The following AP3B1 variants were observed in gnomAD, a reference collection of about 807,000 sequenced individuals.
AP3B1 encodes adaptor related protein complex 3 subunit beta 1.
In AP3B1, 61 loss-of-function variants were observed where a neutral mutation model predicts 132.5. That is an observed-to-expected ratio of 0.46 (90% CI 0.37 to 0.57). The LOEUF (loss-of-function observed/expected upper bound fraction) is 0.57. Among genes scored for constraint, AP3B1 ranks in the 20% least tolerant of loss-of-function variants. The pLI, the probability that AP3B1 is intolerant of heterozygous loss-of-function variation, is 0.00. For missense variants in AP3B1, 1,120 were observed against 1,289.4 expected, an observed-to-expected ratio of 0.87 and a Z score of 2.01; for synonymous variants, 388 against 438.3, an observed-to-expected ratio of 0.89 and a Z score of 1.43.
At chr5:78,073,106 CTT>C (rs1749613715) in intron 22 of AP3B1, among the ~76,000 whole-genome samples, 2 of 152,164 alleles carry the variant, frequency 1.3e-5, no homozygotes, top group Admixed American at 6.5e-5. Flanking sequence ...TCCATACTCT[CTT>C]GTCAGTGGTA....
chr5:78,061,050 GA>G (rs1182527212), intron 22 of AP3B1, among the ~76,000 whole-genome samples: 3 of 150,014 alleles, frequency 2.0e-5, no homozygotes, highest in African/African-American at 7.4e-5. Flanking sequence ...TTTGAAAAAA[GA>G]AGTACTGAAC....
chr5:78,140,036 C>T (rs1361516012), intron 15 of AP3B1, among the ~76,000 whole-genome samples: 1 of 152,004 alleles, frequency 6.6e-6, no homozygotes, highest in African/African-American at 2.4e-5. Context: ...ATAAAGCTTC[C>T]CAAGAAGCCT....
chr5:78,115,727 A>G lies in AP3B1; in HGVS notation c.2077+399T>C, dbSNP rs544710278. Among the ~76,000 whole-genome samples, 105 of 152,300 alleles carry G rather than the reference A, an allele frequency of 6.9e-4. 1 individual carries two copies. Among genetic ancestry groups the G allele is most frequent in the Non-Finnish European group, 3.4e-4 (23 of 68,010 alleles). On this transcript the variant is annotated intron_variant, in intron 18 of 26. Coordinates refer to ENST00000255194, the MANE Select transcript of AP3B1 (RefSeq NM_003664.5). ...ACAGAAAGAGATAAGTATAAAATGA[A>G]AGAGAAAAAGACTCTTCAAGGTATA...
chr5:78,170,917 G>T (rs1743883969), intron 11 of AP3B1, among the ~76,000 whole-genome samples: 1 of 152,144 alleles, frequency 6.6e-6, no homozygotes, highest in African/African-American at 2.4e-5. Flanking sequence ...TGTATAAAGT[G>T]TAAGGAAGGG....
chr5:78,288,174 G>C (rs953148425), intron 1 of AP3B1, among the ~76,000 whole-genome samples: 4 of 152,088 alleles, frequency 2.6e-5, no homozygotes, highest in Non-Finnish European at 2.9e-5. Flanking sequence ...ACAAACAAAG[G>C]CTTATAACAA....
chr5:78,182,098 G>C (rs1744396373), intron 7 of AP3B1, among the ~76,000 whole-genome samples: 1 of 152,134 alleles, frequency 6.6e-6, no homozygotes. Flanking sequence ...AGAAATCACA[G>C]TAAAGTGTGA....
chr5:78,058,860 G>A (rs572303527), intron 22 of AP3B1, among the ~76,000 whole-genome samples: 1 of 152,274 alleles, frequency 6.6e-6, no homozygotes, highest in East Asian at 1.9e-4. Context: ...TGGCCTCTAT[G>A]AGTGCCATCA....
intron 22 of AP3B1, among the ~76,000 whole-genome samples, chr5:78,084,193 A>G (rs1220427702): frequency 6.6e-6 from 1 of 152,168 alleles, no homozygotes; most frequent in Non-Finnish European, 1.5e-5. Context: ...ATTAATTAGT[A>G]GTGGTGATCT....
Position 78,015,406 on chromosome 5 carries a change from C to T in AP3B1, c.3131+4G>A, listed in dbSNP as rs773072688. The T allele has an allele frequency of 6.2e-7, 1 of 1,613,500 alleles. No individual in the cohort carries two copies. The highest frequency in any genetic ancestry group is 8.5e-7 in the Non-Finnish European group (1 of 1,179,650). ...ACCTCCACATCGTGTGTTAGTGAAC[C>T]TACCTGTGTATATTATCCTGGCCAG... On this transcript the variant is annotated splice_donor_region_variant and intron_variant, in intron 26 of 26. Transcript: ENST00000255194.
intron 22 of AP3B1, among the ~76,000 whole-genome samples, chr5:78,081,528 A>C (rs1328815564): frequency 6.6e-6 from 1 of 151,470 alleles, no homozygotes. Flanking sequence ...CGATCTCCTG[A>C]CCTCGTGATC....
At chr5:78,259,934 C>A (rs977978686) in intron 2 of AP3B1, among the ~76,000 whole-genome samples, 19 of 151,692 alleles carry the variant, frequency 1.3e-4, no homozygotes, top group African/African-American at 4.6e-4. Context: ...TGTGCCATTG[C>A]ACTCCAGCCT....
chr5:78,255,872 A>T (rs1033880969), intron 2 of AP3B1, among the ~76,000 whole-genome samples: 2 of 152,250 alleles, frequency 1.3e-5, no homozygotes, highest in East Asian at 1.9e-4. Flanking sequence ...GCGTTCAAAA[A>T]ATTGAAATAA....
chr5:78,230,490 C>T (rs957510884), intron 3 of AP3B1, among the ~76,000 whole-genome samples: 4 of 152,162 alleles, frequency 2.6e-5, no homozygotes, highest in Admixed American at 6.5e-5. Context: ...TGTTGAATGG[C>T]TCCACAAAAC....
At chr5:78,134,917 A>G (rs1409361398) in intron 15 of AP3B1, among the ~76,000 whole-genome samples, 1 of 152,202 alleles carries the variant, frequency 6.6e-6, no homozygotes, top group Non-Finnish European at 1.5e-5. Flanking sequence ...ATTTAATAGT[A>G]TCTACCTTTT....
chr5:78,185,093 G>A (rs1046558181), intron 7 of AP3B1, among the ~76,000 whole-genome samples: 8 of 152,140 alleles, frequency 5.3e-5, no homozygotes, highest in Non-Finnish European at 8.8e-5. Context: ...ACTATCAAAA[G>A]AGAATCTTAT....
At chr5:78,073,186 A>C (rs781771601) in intron 22 of AP3B1, among the ~76,000 whole-genome samples, 3 of 152,226 alleles carry the variant, frequency 2.0e-5, no homozygotes, top group Non-Finnish European at 4.4e-5. Context: ...TCGAAGAGAA[A>C]TAAAGGTTTT....
chr5:78,223,027 C>CTCTCTTTTTTTTTTTTTT (rs66493022), intron 6 of AP3B1, among the ~76,000 whole-genome samples: 1 of 127,818 alleles, frequency 7.8e-6, no homozygotes, highest in Admixed American at 7.9e-5. Flanking sequence ...TTGTTTGTTT[C>CTCTCTTTTTTTTTTTTTT]TTTTTTTTTT....
At chr5:78,039,735 G>A (rs1221590635) in intron 22 of AP3B1, among the ~76,000 whole-genome samples, 2 of 141,908 alleles carry the variant, frequency 1.4e-5, no homozygotes, top group African/African-American at 2.7e-5. Context: ...CCGAGATCGC[G>A]CCACTGCACT....
At chr5:78,041,282 A>G (rs1748073983) in intron 22 of AP3B1, among the ~76,000 whole-genome samples, 1 of 151,688 alleles carries the variant, frequency 6.6e-6, no homozygotes, top group Non-Finnish European at 1.5e-5. Flanking sequence ...CTCAAAAAAA[A>G]AAAAAAATCA....
Sources: allele counts gnomAD v4.1 joint callset (sites outside exome capture counted in the v4.1 genomes callset), GRCh38; gene constraint gnomAD v4.1.1; transcripts MANE v1.5; gene names NCBI Gene and HGNC (gene_info 2026-07-23, HGNC 2026-07-21).